ABCA6: variants seen among roughly 807,000 people sequenced by gnomAD.
ABCA6 encodes ATP-binding cassette sub-family A member 6.
Under a neutral mutation model 191.2 loss-of-function variants are expected in ABCA6, and 164 were observed. The observed-to-expected ratio is 0.86, with a 90% CI of 0.76 to 0.98. The LOEUF is 0.98. ABCA6 is among the 50% of genes least tolerant of loss of function. ABCA6 has a pLI of 0.00. For synonymous variants in ABCA6, 636 were observed against 647.7 expected (o/e 0.98, Z 0.27); for missense variants, 1,958 against 1,894.1 (o/e 1.03, Z -0.63).
chr17:69,088,180 C>G lies in ABCA6; in HGVS notation c.3685G>C (p.Asp1229His). The G allele has an allele frequency of 6.2e-7, 1 of 1,611,124 alleles. No individual in the cohort carries two copies. The highest frequency in any genetic ancestry group is 8.5e-7 in the Non-Finnish European group (1 of 1,178,780). ...LKCGKKRMRK[D>H]PVFRISPQSR... Reference sequence around the variant, plus strand: ...TTTCACCCCAACCTGAAAACAGGATCTTTTCGCATTCTTTTCTTTCCACAT... The same window carrying G: ...TTTCACCCCAACCTGAAAACAGGATGTTTTCGCATTCTTTTCTTTCCACAT... Residue 1229 changes from aspartate (D) to histidine (H), a missense_variant, in exon 28 of 39, where the codon GAT becomes CAT. By Grantham distance (81) the Asp-to-His change is moderately conservative (BLOSUM62 -1). Coordinates refer to ENST00000284425, the MANE Select transcript of ABCA6 (RefSeq NM_080284.3).
At position 69,087,458 on chromosome 17, in the gene ABCA6, A is replaced by T. The variant is rs1352400534; in HGVS notation, c.3714T>A (p.Ser1238Arg). The change falls in exon 29 of 39, where the codon AGT (serine) becomes AGA (arginine). Residue 1238 changes from serine to arginine, a missense_variant. Coordinates refer to ENST00000284425, the MANE Select transcript of ABCA6 (RefSeq NM_080284.3). The part of the protein sequence containing the change: ...KDPVFRISPQ[S>R]RDAKPNPEEP... ...CTTCTGGATTTGGCTTAGCATCTCT[A>T]CTTTGGGGGGAAATTCTATGGAGAA... 6.2e-7 allele frequency: 1 copy of T among 1,613,650 alleles called. No individual in the cohort carries two copies. The highest frequency in any genetic ancestry group is 8.5e-7 in the Non-Finnish European group (1 of 1,179,836).
chr17:69,113,680 G>A lies in ABCA6; in HGVS notation c.1840C>T (p.His614Tyr). The change falls in exon 14 of 39, where the codon CAT becomes TAT. Residue 614 changes from histidine (H) to tyrosine (Y), a missense_variant. Coordinates refer to ENST00000284425, the MANE Select transcript of ABCA6 (RefSeq NM_080284.3). ...MQNIQDNLAKHLSEGQKRKLT... is the reference protein window; with the variant it reads ...MQNIQDNLAKYLSEGQKRKLT... ...TTTCTTTTCTGTCCTTCACTTAAAT[G>A]TTTAGCAAGGTTATCTTGAATGTTT... 6.2e-7 allele frequency: 1 copy of A among 1,612,814 alleles called. No homozygotes were observed. Among genetic ancestry groups the A allele is most frequent in the Non-Finnish European group, 8.5e-7 (1 of 1,179,238 alleles).
At position 69,096,298 on chromosome 17, in the gene ABCA6, G is replaced by A; in HGVS notation, c.3350C>T (p.Ser1117Leu). Residue 1117 changes from serine to leucine, a missense_variant, in exon 25 of 39, where the codon TCA becomes TTA. By Grantham distance (145) the Ser-to-Leu change is moderately radical. Transcript: ENST00000284425. ...TTTTCTCCTTTTGCGAAAAATAAATGATATCATATATATGAAGAAGACAAG... is the reference window on the plus strand; with the variant it reads ...TTTTCTCCTTTTGCGAAAAATAAATAATATCATATATATGAAGAAGACAAG... ...ASLVFFIYMI[S>L]FIFRKRRKNS... The A allele has an allele frequency of 6.5e-7, 1 of 1,532,758 alleles. No homozygotes were observed. The highest frequency in any genetic ancestry group is 8.8e-7 in the Non-Finnish European group (1 of 1,141,280). 94.9% of individuals were successfully genotyped at this position (1,532,758 alleles called of 1,614,324 possible).
chr17:69,128,553 C>G, intron 8 of ABCA6, 66 bp downstream of exon 8: 5 of 1,280,774 alleles, frequency 3.9e-6, no homozygotes, highest in Non-Finnish European at 5.3e-6. Context: ...AGTGCTGATC[C>G]TACAGCGTAT....
intron 10 of ABCA6, among the ~76,000 whole-genome samples, chr17:69,118,936 A>T (rs9909265): frequency 0.2 from 30,125 of 150,416 alleles, 5,841 homozygotes; most frequent in African/African-American, 0.5. Flanking sequence ...TGTCTCTCTC[A>T]CACACACACA....
chr17:69,120,117 A>G (rs111888568), intron 10 of ABCA6, among the ~76,000 whole-genome samples: 65 of 152,190 alleles, frequency 4.3e-4, no homozygotes, highest in Middle Eastern at 3.4e-3. Flanking sequence ...TGTATGGTGC[A>G]ATATGTAAAT....
chr17:69,121,695 T>C (rs74001816), intron 10 of ABCA6, among the ~76,000 whole-genome samples: 2,173 of 152,096 alleles, frequency 0.014, 53 homozygotes, highest in African/African-American at 0.05. Flanking sequence ...AAAGAAAATT[T>C]TGAGGTCTTT....
At chr17:69,091,957 T>C (rs937214488) in intron 25 of ABCA6, among the ~76,000 whole-genome samples, 13 of 151,664 alleles carry the variant, frequency 8.6e-5, no homozygotes, top group Middle Eastern at 3.4e-3. Context: ...ATGGCTATTA[T>C]AAAAAAAAAC....
At chr17:69,105,758 A>C in intron 19 of ABCA6, 130 bp from the exon 20 acceptor site, 1 of 804,326 alleles carries the variant, frequency 1.2e-6, no homozygotes, top group Non-Finnish European at 1.9e-6. Context: ...TAAAATTCTG[A>C]AGATAATACC....
Position 69,133,857 on chromosome 17 carries a change from T to C in ABCA6, c.575A>G (p.Asn192Ser). The C allele has an allele frequency of 3.8e-6, 6 of 1,590,904 alleles. No individual in the cohort carries two copies. The highest frequency in any genetic ancestry group is 5.1e-6 in the Non-Finnish European group (6 of 1,168,624). The change falls in exon 6 of 39, where the codon AAT (asparagine) becomes AGT (serine). Residue 192 changes from asparagine (N) to serine (S), a missense_variant. Physicochemically the swap from Asn to Ser is conservative, Grantham distance 46. Coordinates refer to ENST00000284425, the MANE Select transcript of ABCA6 (RefSeq NM_080284.3). ...INTAIIEITTNHPVMEELMSV... is the reference protein window; with the variant it reads ...INTAIIEITTSHPVMEELMSV... ...CATCAACTCCTCCATCACAGGGTGA[T>C]TGGTTGTGATCTAAAGTAGAGTTTA...
chr17:69,087,507 T>C (rs2072828626), intron 28 of ABCA6, 34 bp from the exon 29 acceptor site: 1 of 1,610,938 alleles, frequency 6.2e-7, no homozygotes, highest in African/African-American at 1.3e-5. Flanking sequence ...ACATGTGGTA[T>C]TCTAGCTGTT....
At chr17:69,087,678 T>TA in intron 28 of ABCA6, 1 of 620,356 alleles carries the variant, frequency 1.6e-6, no homozygotes, top group Non-Finnish European at 2.7e-6. Context: ...TTGCCATTCT[T>TA]CTGGTAAGAA....
In ABCA6 at chr17:69,096,615, C is replaced by T. The variant is rs748272907; in HGVS notation, c.3294+13G>A. The T allele has an allele frequency of 3.4e-6, 5 of 1,490,204 alleles. No homozygotes were observed. In the Admixed American group the frequency reaches 1.0e-4, roughly 30 times the overall value. 92.3% of individuals were successfully genotyped at this position (1,490,204 alleles called of 1,614,324 possible). On this transcript the variant is annotated intron_variant, in intron 24 of 38. Transcript: ENST00000284425. ...TACTTTATGAAATTTGGTTTATGTA[C>T]TGTGTTACTTACCAAAGCAAACACA...
chr17:69,122,933 T>C (rs922804924), intron 10 of ABCA6, among the ~76,000 whole-genome samples: 4 of 149,762 alleles, frequency 2.7e-5, no homozygotes, highest in African/African-American at 9.8e-5. Context: ...TTTAGCCTTA[T>C]GTTCTCACTC....
At chr17:69,084,960 T>C (rs1598440752) in intron 32 of ABCA6, 68 bp downstream of exon 32, 13 of 1,501,710 alleles carry the variant, frequency 8.7e-6, no homozygotes, top group African/African-American at 5.6e-5. Context: ...TCTTTATTAG[T>C]GAATTCATCA....
At chr17:69,104,750 A>T (rs1345714094) in intron 20 of ABCA6, 1 of 150,734 alleles carries the variant, frequency 6.6e-6, no homozygotes, top group African/African-American at 2.4e-5. Flanking sequence ...AGGGCAGATC[A>T]CTTGAGGCCA....
At chr17:69,123,548 A>G in intron 9 of ABCA6, 141 bp from the exon 10 acceptor site, 1 of 496,614 alleles carries the variant, frequency 2.0e-6, no homozygotes. Flanking sequence ...ATTTATTATT[A>G]AGAAGAAAAC....
intron 7 of ABCA6, 52 bp from the exon 8 acceptor site, chr17:69,128,856 A>C (rs747262141): frequency 7.1e-7 from 1 of 1,410,478 alleles, no homozygotes; most frequent in Non-Finnish European, 9.6e-7. Flanking sequence ...TAGCTCACTG[A>C]GAATCATTGG....
At chr17:69,111,088 C>T in intron 16 of ABCA6, 148 bp from the exon 17 acceptor site, 1 of 662,232 alleles carries the variant, frequency 1.5e-6, no homozygotes, top group Non-Finnish European at 2.4e-6. Context: ...TGATAGTAAT[C>T]TATCAGTTTG....
Sources: gnomAD v4.1 joint callset for allele counts (sites outside exome capture counted in the v4.1 genomes callset) on GRCh38, gnomAD v4.1.1 for gene constraint, MANE v1.5 for transcripts, NCBI Gene and HGNC (gene_info 2026-07-23, HGNC 2026-07-21) for gene names.